The following ABHD3 variants were observed in gnomAD, a reference collection of about 807,000 sequenced individuals.
ABHD3 encodes the protein phospholipase ABHD3.
ABHD3 carries 46 observed loss-of-function variants against 48.8 expected under a neutral mutation model. The observed-to-expected ratio is 0.94, with a 90% confidence interval of 0.74 to 1.20. The LOEUF is 1.20. Ranked by LOEUF, ABHD3 falls within the 50% of genes most tolerant of loss-of-function variation. The pLI, the probability that ABHD3 is intolerant of heterozygous loss-of-function variation, is 0.00. For missense variants in ABHD3, 490 were observed against 497.8 expected, an observed-to-expected ratio of 0.98 and a Z score of 0.15; for synonymous variants, 192 against 183.7, an observed-to-expected ratio of 1.04 and a Z score of -0.36.
intron 4 of ABHD3, among the ~76,000 whole-genome samples, chr18:21,676,783 T>C (rs2039893936): frequency 1.3e-5 from 2 of 152,138 alleles, no homozygotes; most frequent in East Asian, 1.9e-4. Context: ...AGGATACATT[T>C]TGGGCAGTGC....
intron 3 of ABHD3, among the ~76,000 whole-genome samples, chr18:21,694,949 T>C (rs1280458888): frequency 1.3e-5 from 2 of 152,150 alleles, no homozygotes; most frequent in Non-Finnish European, 2.9e-5. Context: ...CTGCTAGTCA[T>C]CTCCCAATAT....
At chr18:21,699,353 T>C (rs1005143395) in intron 3 of ABHD3, among the ~76,000 whole-genome samples, 2 of 152,172 alleles carry the variant, frequency 1.3e-5, no homozygotes, top group African/African-American at 4.8e-5. Flanking sequence ...CCAAACACAT[T>C]CCGTCATATT....
intron 4 of ABHD3, among the ~76,000 whole-genome samples, chr18:21,676,058 T>C (rs938487506): frequency 1.1e-4 from 17 of 152,212 alleles, no homozygotes; most frequent in Admixed American, 3.9e-4. Context: ...CCTGCCTTCA[T>C]GATCTCGCCT....
At chr18:21,658,526 A>C (rs1322715080) in intron 6 of ABHD3, among the ~76,000 whole-genome samples, 1 of 152,200 alleles carries the variant, frequency 6.6e-6, no homozygotes, top group Non-Finnish European at 1.5e-5. Context: ...CTTTTAGAAT[A>C]ATTTAGAATG....
At chr18:21,702,599 C>A in intron 2 of ABHD3, 101 bp from the exon 3 acceptor site, 1 of 1,102,214 alleles carries the variant, frequency 9.1e-7, no homozygotes, top group Non-Finnish European at 1.2e-6. Flanking sequence ...CAAAAAATAA[C>A]ATTTTTCCAG....
chr18:21,659,197 G>T lies in ABHD3; in HGVS notation c.815C>A (p.Thr272Lys), dbSNP rs1191406690. The stretch of plus-strand genomic sequence containing the variant: ...ATTAACTGAAGACTGAAGGCAGGTT[G>T]TCAAATAGTAATTAAAAAGTAGCCA... Reference protein sequence around the residue: ...LNWLLFNYYLTTCLQSSVNKH... With the variant: ...LNWLLFNYYLKTCLQSSVNKH... Residue 272 changes from threonine to lysine, a missense_variant, in exon 6 of 9, where the codon ACA (threonine) becomes AAA (lysine). Physicochemically the swap from Thr to Lys is moderately conservative, Grantham distance 78 (BLOSUM62 -1). Coordinates refer to ENST00000289119, the MANE Select transcript of ABHD3 (RefSeq NM_138340.5). The T allele has an allele frequency of 6.2e-7, 1 of 1,613,738 alleles. No homozygotes were observed. The highest frequency in any genetic ancestry group is 8.5e-7 in the Non-Finnish European group (1 of 1,179,906).
chr18:21,688,261 ATCTGAAATATT>A (rs1687990231), intron 3 of ABHD3, among the ~76,000 whole-genome samples: 1 of 152,220 alleles, frequency 6.6e-6, no homozygotes, highest in South Asian at 2.1e-4. Context: ...TTATCAGGCA[ATCTGAAATATT>A]TCAGTTCTAA....
At chr18:21,658,615 C>T (rs2039409724) in intron 6 of ABHD3, among the ~76,000 whole-genome samples, 1 of 152,120 alleles carries the variant, frequency 6.6e-6, no homozygotes, top group African/African-American at 2.4e-5. Flanking sequence ...CAAGACAATC[C>T]ACTGGGGTTC....
At chr18:21,677,721 G>A (rs2039917178) in intron 4 of ABHD3, among the ~76,000 whole-genome samples, 1 of 151,712 alleles carries the variant, frequency 6.6e-6, no homozygotes, top group African/African-American at 2.4e-5. Flanking sequence ...GTCTTGCTCT[G>A]TCGCCAGGCT....
At chr18:21,656,804 T>C (rs2039361427) in intron 8 of ABHD3, 57 bp downstream of exon 8, 1 of 1,419,640 alleles carries the variant, frequency 7.0e-7, no homozygotes, top group African/African-American at 1.5e-5. Context: ...TCCTTAAAAA[T>C]AACAATATAT....
intron 4 of ABHD3, among the ~76,000 whole-genome samples, chr18:21,667,211 T>C (rs900603814): frequency 6.7e-6 from 1 of 148,414 alleles, no homozygotes; most frequent in Admixed American, 6.8e-5. Flanking sequence ...GTAGCTGGGA[T>C]TACAGGCGCC....
chr18:21,670,969 G>A (rs557819233), intron 4 of ABHD3, among the ~76,000 whole-genome samples: 3 of 152,112 alleles, frequency 2.0e-5, no homozygotes, highest in Non-Finnish European at 2.9e-5. Context: ...AGCCAAGATC[G>A]TGCCACTGTA....
chr18:21,659,548 A>T (rs925081626), intron 5 of ABHD3, among the ~76,000 whole-genome samples: 10 of 152,144 alleles, frequency 6.6e-5, no homozygotes, highest in African/African-American at 2.4e-4. Context: ...CTATGTGGTA[A>T]ATGGGACAAA....
At chr18:21,663,960 CTTCG>C in intron 5 of ABHD3, 154 bp downstream of exon 5, 1 of 1,427,270 alleles carries the variant, frequency 7.0e-7, no homozygotes, top group Non-Finnish European at 9.1e-7. Context: ...TCTTTCCTTC[CTTCG>C]TTCATTCAAT....
At position 21,659,575 on chromosome 18, in the gene ABHD3, T is replaced by C. The variant is rs559887131; in HGVS notation, c.669-232A>G. Among the ~76,000 whole-genome samples, 30 of 152,328 alleles carry C rather than the reference T, an allele frequency of 2.0e-4. 1 individual carries two copies. In the South Asian group the frequency reaches 6.2e-3, roughly 32 times the overall value. On this transcript the variant is annotated intron_variant, in intron 5 of 8. Coordinates refer to ENST00000289119, the MANE Select transcript of ABHD3 (RefSeq NM_138340.5). ...TGGGACAAATCATAGTTATTCCTTA[T>C]ATATGTATCCTATGAAGTCAAACAT... is the stretch of plus-strand genomic sequence containing the variant.
At chr18:21,697,074 C>CTTTT (rs781661076) in intron 3 of ABHD3, among the ~76,000 whole-genome samples, 2 of 135,716 alleles carry the variant, frequency 1.5e-5, no homozygotes, top group South Asian at 2.3e-4. Context: ...ATTCTATTAA[C>CTTTT]TTTTTTTTTT....
intron 5 of ABHD3, among the ~76,000 whole-genome samples, chr18:21,660,990 C>G (rs568882834): frequency 6.7e-6 from 1 of 149,128 alleles, no homozygotes; most frequent in African/African-American, 2.5e-5. Context: ...TGGAATACGT[C>G]TTGGTTATTA....
intron 8 of ABHD3, among the ~76,000 whole-genome samples, chr18:21,653,590 T>C (rs1039393780): frequency 2.0e-5 from 3 of 151,998 alleles, no homozygotes. Context: ...TGCCAAATCT[T>C]ATCTCCCTAA....
chr18:21,703,722 T>C lies in ABHD3; in HGVS notation c.188A>G (p.Glu63Gly), dbSNP rs2040567992. ...AKKPQLVTGGESFSRFLQDHC... is the reference protein window; with the variant it reads ...AKKPQLVTGGGSFSRFLQDHC... The stretch of plus-strand genomic sequence containing the variant: ...GTCTTGAAGGAAGCGGCTGAAACTC[T>C]CACCCCCGGTCACTAACTGGGGTTT... The change falls in exon 2 of 9, where the codon GAG becomes GGG. Residue 63 changes from glutamate (E) to glycine (G), a missense_variant. Glu to Gly is a moderately conservative substitution (Grantham distance 98). Coordinates refer to ENST00000289119, the MANE Select transcript of ABHD3 (RefSeq NM_138340.5). 1.2e-6 allele frequency: 2 copies of C among 1,613,934 alleles called. No homozygotes were observed. Among genetic ancestry groups the C allele is most frequent in the East Asian group, 2.2e-5 (1 of 44,868 alleles).
Sources: allele counts gnomAD v4.1 joint callset (sites outside exome capture counted in the v4.1 genomes callset), GRCh38; gene constraint gnomAD v4.1.1; transcripts MANE v1.5; gene names NCBI Gene and HGNC (gene_info 2026-07-23, HGNC 2026-07-21).